The following EPHB1 variants were observed in gnomAD, a reference collection of about 807,000 sequenced individuals.
The protein encoded by EPHB1 is ephrin type-B receptor 1.
Under a neutral mutation model 94.4 loss-of-function variants are expected in EPHB1, and 30 were observed. The ratio of observed to expected loss-of-function variants is 0.32; its 90% CI spans 0.24 to 0.43. EPHB1 has a LOEUF of 0.43. EPHB1 is among the 20% of genes least tolerant of loss of function. EPHB1 has a pLI of 1.00. For synonymous variants in EPHB1, 522 were observed against 489.1 expected, an observed-to-expected ratio of 1.07 and a Z score of -0.89; for missense variants, 1,055 against 1,308.3, an observed-to-expected ratio of 0.81 and a Z score of 2.99.
At chr3:135,224,632 T>C (rs1943351570) in intron 12 of EPHB1, among the ~76,000 whole-genome samples, 3 of 152,196 alleles carry the variant, frequency 2.0e-5, no homozygotes, top group Admixed American at 6.5e-5. Context: ...CTCATAAAAA[T>C]TCACCTCACT....
chr3:135,256,729 C>T (rs569560835), intron 15 of EPHB1, among the ~76,000 whole-genome samples: 11 of 152,124 alleles, frequency 7.2e-5, no homozygotes, highest in East Asian at 5.8e-4. Flanking sequence ...ATCTTTGTGG[C>T]GTTCTCTGTA....
At chr3:135,005,459 G>A (rs1208700113) in intron 3 of EPHB1, among the ~76,000 whole-genome samples, 2 of 152,240 alleles carry the variant, frequency 1.3e-5, no homozygotes, top group South Asian at 2.1e-4. Flanking sequence ...AGGCAGGCAG[G>A]CCTCCTTGAG....
Position 135,076,260 on chromosome 3 carries a change from T to TATATATATAA in EPHB1, c.806-30187_806-30186insTATATATAAA, listed in dbSNP as rs1424213544. ...ATATATATATATATATATATATATA[T>TATATATATAA]AACTCTTAAATGCATTAGTAAAAAG... On this transcript the variant is annotated intron_variant, in intron 3 of 15. Transcript: ENST00000398015. Among the ~76,000 whole-genome samples the TATATATATAA allele has an allele frequency of 2.3e-3, 244 of 104,334 alleles. 6 individuals carry two copies. The highest frequency in any genetic ancestry group is 8.6e-3 in the African/African-American group (237 of 27,634). The allele number at this position is 104,334 out of a possible 152,430, so 68.4% of individuals were successfully genotyped here. A position where few individuals can be genotyped will look rare whatever the true frequency, so the allele number is the denominator to read the frequency against.
chr3:135,060,116 G>A (rs73216126), intron 3 of EPHB1, among the ~76,000 whole-genome samples: 5,613 of 152,248 alleles, frequency 0.037, 160 homozygotes, highest in East Asian at 0.14. Context: ...AATCATTACC[G>A]TGATCTTATT....
At chr3:134,857,509 A>G (rs868409592) in intron 1 of EPHB1, among the ~76,000 whole-genome samples, 28 of 152,240 alleles carry the variant, frequency 1.8e-4, no homozygotes, top group Middle Eastern at 6.8e-3. Flanking sequence ...AGTCCACTCA[A>G]TAGCTCCTCC....
At chr3:135,027,160 A>T (rs1339685078) in intron 3 of EPHB1, among the ~76,000 whole-genome samples, 1 of 151,042 alleles carries the variant, frequency 6.6e-6, no homozygotes, top group Non-Finnish European at 1.5e-5. Context: ...TCATCTGCAA[A>T]CAGGGACAAT....
At chr3:135,008,449 T>G (rs1935501181) in intron 3 of EPHB1, among the ~76,000 whole-genome samples, 1 of 151,190 alleles carries the variant, frequency 6.6e-6, no homozygotes, top group South Asian at 2.1e-4. Flanking sequence ...CTTAAGCATT[T>G]CACTCTATGG....
At chr3:134,883,241 G>C (rs2037797743) in intron 1 of EPHB1, among the ~76,000 whole-genome samples, 1 of 152,146 alleles carries the variant, frequency 6.6e-6, no homozygotes, top group Non-Finnish European at 1.5e-5. Context: ...GTTTAGAGAA[G>C]CAGAAACTGG....
In EPHB1 at chr3:134,818,073, T is replaced by C. The variant is rs565647709; in HGVS notation, c.58+22384T>C. ...ATTCCACTGACTTTCCTAAGAGCCA[T>C]GTGGAGAGGAAAGATGTGAAGAGGG... On this transcript the variant is annotated intron_variant, in intron 1 of 15. Transcript: ENST00000398015. Among the ~76,000 whole-genome samples the C allele has an allele frequency of 2.6e-5, 4 of 152,290 alleles. No individual in the cohort carries two copies. The South Asian group carries it at 8.3e-4, about 32-fold the overall frequency.
chr3:135,150,849 G>A (rs1559852333), intron 5 of EPHB1, among the ~76,000 whole-genome samples: 1 of 152,144 alleles, frequency 6.6e-6, no homozygotes, highest in Non-Finnish European at 1.5e-5. Flanking sequence ...TCTGCTCTGG[G>A]ACACCTTGGA....
intron 1 of EPHB1, among the ~76,000 whole-genome samples, chr3:134,852,161 C>T (rs2036999116): frequency 6.6e-6 from 1 of 152,194 alleles, no homozygotes; most frequent in South Asian, 2.1e-4. Flanking sequence ...CTCGTTCCAT[C>T]CACATGTCCC....
chr3:135,200,799 G>A (rs1942731069), intron 11 of EPHB1, among the ~76,000 whole-genome samples: 1 of 152,150 alleles, frequency 6.6e-6, no homozygotes, highest in South Asian at 2.1e-4. Flanking sequence ...ATATTTTGGG[G>A]GGGAGTTAAA....
At chr3:135,219,056 G>T (rs1355953481) in intron 12 of EPHB1, among the ~76,000 whole-genome samples, 1 of 152,268 alleles carries the variant, frequency 6.6e-6, no homozygotes, top group Non-Finnish European at 1.5e-5. Flanking sequence ...TGGGGGAAGA[G>T]TTGCCCTCCC....
At chr3:134,875,045 G>T (rs544814418) in intron 1 of EPHB1, among the ~76,000 whole-genome samples, 1 of 152,160 alleles carries the variant, frequency 6.6e-6, no homozygotes, top group Admixed American at 6.5e-5. Context: ...CACTTCCGGG[G>T]TACTTTCTAG....
intron 11 of EPHB1, among the ~76,000 whole-genome samples, chr3:135,199,490 C>T (rs1942703340): frequency 6.6e-6 from 1 of 152,202 alleles, no homozygotes; most frequent in Non-Finnish European, 1.5e-5. Context: ...TAGCTCTAAA[C>T]TTTCTTTTTG....
chr3:134,795,798 C>A, intron 1 of EPHB1, 109 bp downstream of exon 1: 1 of 1,255,048 alleles, frequency 8.0e-7, no homozygotes, highest in South Asian at 1.3e-5. Flanking sequence ...GCAGGCATCC[C>A]GGGACCCGAG....
At chr3:134,980,820 C>A (rs1576291841) in intron 3 of EPHB1, among the ~76,000 whole-genome samples, 1 of 152,166 alleles carries the variant, frequency 6.6e-6, no homozygotes, top group African/African-American at 2.4e-5. Flanking sequence ...CTTGAGGATT[C>A]CCTGCCTGCT....
At chr3:134,974,718 C>T (rs1934113807) in intron 3 of EPHB1, among the ~76,000 whole-genome samples, 1 of 152,202 alleles carries the variant, frequency 6.6e-6, no homozygotes, top group Non-Finnish European at 1.5e-5. Context: ...TGGCACCTGC[C>T]TCAGCATATT....
intron 10 of EPHB1, among the ~76,000 whole-genome samples, chr3:135,183,580 A>G (rs1336694629): frequency 1.3e-5 from 2 of 152,286 alleles, no homozygotes; most frequent in East Asian, 3.9e-4. Flanking sequence ...ATTCAATGCC[A>G]CTCAGTGAGA....
Sources: gnomAD v4.1 joint callset for allele counts (sites outside exome capture counted in the v4.1 genomes callset) on GRCh38, gnomAD v4.1.1 for gene constraint, MANE v1.5 for transcripts, NCBI Gene and HGNC (gene_info 2026-07-23, HGNC 2026-07-21) for gene names.